CCDC171: variants seen among roughly 807,000 people sequenced by gnomAD.
CCDC171 encodes the protein coiled-coil domain-containing protein 171.
A neutral mutation model predicts 168.2 loss-of-function variants in CCDC171; 177 were observed. The ratio of observed to expected loss-of-function variants is 1.05; its 90% CI spans 0.93 to 1.19. The LOEUF (loss-of-function observed/expected upper bound fraction) is 1.19, where lower values mean the gene tolerates loss of function less well. Among genes scored for constraint, CCDC171 ranks in the 50% most tolerant of loss-of-function variants. The pLI, the probability that CCDC171 is intolerant of heterozygous loss-of-function variation, is 0.00. For synonymous variants in CCDC171, 687 were observed against 540.8 expected, an observed-to-expected ratio of 1.27 and a Z score of -3.75; for missense variants, 1,991 against 1,539.0, an observed-to-expected ratio of 1.29 and a Z score of -4.91.
chr9:16,050,234 G>A (rs73645250), intron 1 of CCDC171, among the ~76,000 whole-genome samples: 139 of 152,298 alleles, frequency 9.1e-4, no homozygotes, highest in African/African-American at 3.2e-3. Context: ...TATAATTGTT[G>A]ATAAGTCAAG....
the CCDC171 span, among the ~76,000 whole-genome samples, chr9:16,080,300 GT>G: frequency 8.5e-5 from 13 of 152,152 alleles, no homozygotes; most frequent in East Asian, 3.9e-4. Context: ...CATTTTATTG[GT>G]TTTTTTCCCC....
At chr9:16,022,873 C>A (rs113164338) in exon 6 of CCDC171, 2 of 152,208 alleles carry the variant, frequency 1.3e-5, no homozygotes, top group Non-Finnish European at 2.9e-5. Context: ...CCTCAGGGTG[C>A]TGGCATTTCA....
At chr9:15,698,523 A>G (rs1409132762) in intron 11 of CCDC171, among the ~76,000 whole-genome samples, 10 of 135,674 alleles carry the variant, frequency 7.4e-5, no homozygotes, top group African/African-American at 3.3e-4. Context: ...CCCGTCTCAA[A>G]AAAAAAAAAA....
In CCDC171 at chr9:15,584,692, C is replaced by T. The variant is rs555590262; in HGVS notation, c.352+5669C>T. Among the ~76,000 whole-genome samples the T allele has an allele frequency of 5.3e-5, 8 of 152,288 alleles. No homozygotes were observed. The South Asian group carries it at 1.0e-3, about 20-fold the overall frequency. ...AAGACAGGAAGTCAGAGTAACCTTC[C>T]TTCTGAGGCCCTCCTGTCTTCTGCA... On this transcript the variant is annotated intron_variant, in intron 4 of 25. Coordinates refer to ENST00000380701, the MANE Select transcript of CCDC171 (RefSeq NM_173550.4).
chr9:15,689,633 T>G (rs2050646610), intron 10 of CCDC171, among the ~76,000 whole-genome samples: 1 of 152,108 alleles, frequency 6.6e-6, no homozygotes, highest in East Asian at 1.9e-4. Context: ...ATCACTTGAA[T>G]CCAGGAGCCA....
At chr9:15,618,090 G>C (rs1587451024) in intron 6 of CCDC171, among the ~76,000 whole-genome samples, 1 of 152,308 alleles carries the variant, frequency 6.6e-6, no homozygotes, top group Non-Finnish European at 1.5e-5. Flanking sequence ...CTGACAGGTA[G>C]GAAAGATTTA....
chr9:15,596,637 T>G (rs1188281313), intron 6 of CCDC171, among the ~76,000 whole-genome samples: 1 of 151,938 alleles, frequency 6.6e-6, no homozygotes, highest in Non-Finnish European at 1.5e-5. Context: ...GGCTCTTTTT[T>G]GGTTCCATAT....
At chr9:15,713,257 G>C (rs1335680621) in intron 11 of CCDC171, among the ~76,000 whole-genome samples, 1 of 152,008 alleles carries the variant, frequency 6.6e-6, no homozygotes, top group Non-Finnish European at 1.5e-5. Flanking sequence ...TGCTGCTGCA[G>C]CTGCCTATTT....
intron 21 of CCDC171, among the ~76,000 whole-genome samples, chr9:15,814,657 A>G (rs1440275160): frequency 6.6e-6 from 1 of 152,000 alleles, no homozygotes; most frequent in African/African-American, 2.4e-5. Context: ...ACAATTGCGT[A>G]TGAAACACAC....
chr9:16,054,083 T>C (rs1833795463), intron 1 of CCDC171, among the ~76,000 whole-genome samples: 1 of 152,154 alleles, frequency 6.6e-6, no homozygotes, highest in South Asian at 2.1e-4. Context: ...TCAGCGCTCC[T>C]TTTAAAAGTG....
intron 16 of CCDC171, among the ~76,000 whole-genome samples, chr9:15,731,846 T>G (rs2054170800): frequency 6.6e-6 from 1 of 152,074 alleles, no homozygotes. Flanking sequence ...CTACATCCTC[T>G]GCAGCACTTG....
intron 3 of CCDC171, among the ~76,000 whole-genome samples, chr9:15,980,604 T>C (rs1324558993): frequency 6.6e-6 from 1 of 152,190 alleles, no homozygotes; most frequent in Non-Finnish European, 1.5e-5. Flanking sequence ...CCAAACCATC[T>C]GTACAGATCT....
chr9:15,663,046 A>G (rs766831532), intron 8 of CCDC171, among the ~76,000 whole-genome samples: 11 of 152,218 alleles, frequency 7.2e-5, no homozygotes, highest in Non-Finnish European at 1.3e-4. Context: ...AGATCCTTGT[A>G]GCCACCCCGC....
chr9:15,848,941 T>C lies in CCDC171; in HGVS notation c.3462T>C (p.Leu1154=). The C allele has an allele frequency of 6.5e-7, 1 of 1,537,276 alleles. No homozygotes were observed. The highest frequency in any genetic ancestry group is 2.0e-5 in the Admixed American group (1 of 50,908). Residue 1154 remains leucine (L), a synonymous_variant, in exon 23 of 26, where the codon CTT becomes CTC. Transcript: ENST00000380701. ...ANHMRAVENT[L]HKVRDQISLS... ...ACATGAGAGCAGTAGAAAATACGCTTCACAAGGTACTGTTATTTTTCTTTA... is the reference window on the plus strand; with the variant it reads ...ACATGAGAGCAGTAGAAAATACGCTCCACAAGGTACTGTTATTTTTCTTTA...
chr9:15,703,216 T>G (rs1204930937), intron 11 of CCDC171, among the ~76,000 whole-genome samples: 2 of 152,176 alleles, frequency 1.3e-5, no homozygotes, highest in Non-Finnish European at 2.9e-5. Flanking sequence ...GGGCCTTGTT[T>G]TTAATTAGGC....
chr9:15,835,477 G>A (rs2060403079), intron 21 of CCDC171, among the ~76,000 whole-genome samples: 1 of 152,138 alleles, frequency 6.6e-6, no homozygotes. Context: ...GCCCAGGCTG[G>A]AGTACAATGG....
chr9:15,630,538 G>A (rs1436553647), intron 7 of CCDC171, among the ~76,000 whole-genome samples: 1 of 151,952 alleles, frequency 6.6e-6, no homozygotes, highest in East Asian at 1.9e-4. Context: ...AGTCCTGAGT[G>A]ACCTACAAAG....
At chr9:15,637,501 G>C (rs998544835) in intron 7 of CCDC171, among the ~76,000 whole-genome samples, 1 of 149,840 alleles carries the variant, frequency 6.7e-6, no homozygotes, top group African/African-American at 2.5e-5. Flanking sequence ...TAAGTTTTAG[G>C]GTACATGTGC....
chr9:15,845,151 A>C (rs910457918), intron 21 of CCDC171, among the ~76,000 whole-genome samples: 4 of 152,096 alleles, frequency 2.6e-5, no homozygotes, highest in Non-Finnish European at 5.9e-5. Context: ...TTACTTTTTT[A>C]AATAAAGAAA....
Sources: allele counts gnomAD v4.1 joint callset (sites outside exome capture counted in the v4.1 genomes callset), GRCh38; gene constraint gnomAD v4.1.1; transcripts MANE v1.5; gene names NCBI Gene and HGNC (gene_info 2026-07-23, HGNC 2026-07-21).